The following MAN1A1 variants were observed in gnomAD, a reference collection of about 807,000 sequenced individuals.
MAN1A1 encodes the protein mannosidase alpha class 1A member 1.
A neutral mutation model predicts 70.8 loss-of-function variants in MAN1A1; 29 were observed. The observed-to-expected ratio is 0.41, with a 90% confidence interval of 0.31 to 0.56. MAN1A1 has a LOEUF of 0.56. Ranked by LOEUF, MAN1A1 falls within the 20% of genes least tolerant of loss-of-function variation. MAN1A1 has a pLI of 0.29. For missense variants in MAN1A1, 747 were observed against 841.3 expected (o/e 0.89, Z 1.39); for synonymous variants, 349 against 330.1 (o/e 1.06, Z -0.62).
chr6:119,292,425 G>C (rs2114421670), intron 4 of MAN1A1, among the ~76,000 whole-genome samples: 1 of 152,012 alleles, frequency 6.6e-6, no homozygotes, highest in Middle Eastern at 3.4e-3. Flanking sequence ...CATTTATTAA[G>C]CAACTACTAT....
rs945419179 is a variant in MAN1A1, at chr6:119,263,418, G to A, written c.898-15064C>T. Among the ~76,000 whole-genome samples, 303 of 152,126 alleles carry A rather than the reference G, an allele frequency of 2.0e-3. 3 individuals carry two copies. The highest frequency in any genetic ancestry group is 7.0e-3 in the African/African-American group (292 of 41,520). On this transcript the variant is annotated intron_variant, in intron 5 of 12. Transcript: ENST00000368468. ...ACACAGGAATAGAAAACCAAACACC[G>A]CATGTTCTCACTTGTAAGTGGGAGC... is the stretch of plus-strand genomic sequence containing the variant.
At chr6:119,221,614 A>T (rs1774363393) in intron 6 of MAN1A1, among the ~76,000 whole-genome samples, 1 of 151,850 alleles carries the variant, frequency 6.6e-6, no homozygotes, top group Admixed American at 6.6e-5. Context: ...AAAAAAATAC[A>T]GGTAATTTTT....
At chr6:119,284,258 G>A (rs192217859) in intron 5 of MAN1A1, among the ~76,000 whole-genome samples, 21 of 152,186 alleles carry the variant, frequency 1.4e-4, no homozygotes, top group African/African-American at 4.8e-4. Flanking sequence ...CATCTCTCAC[G>A]GTTTTTTCCC....
At chr6:119,308,857 G>GA (rs1772603872) in intron 2 of MAN1A1, among the ~76,000 whole-genome samples, 1 of 151,554 alleles carries the variant, frequency 6.6e-6, no homozygotes, top group Non-Finnish European at 1.5e-5. Context: ...CATCAAAACA[G>GA]AAAAAAAAGT....
chr6:119,246,008 C>T (rs527857246), intron 6 of MAN1A1, among the ~76,000 whole-genome samples: 59 of 152,224 alleles, frequency 3.9e-4, no homozygotes, highest in African/African-American at 1.4e-3. Flanking sequence ...AAAATATCTC[C>T]ATGGTACACT....
chr6:119,333,949 T>C (rs1773386619), intron 2 of MAN1A1, among the ~76,000 whole-genome samples: 1 of 152,188 alleles, frequency 6.6e-6, no homozygotes, highest in East Asian at 1.9e-4. Flanking sequence ...CTCAGGTATA[T>C]TCTAATAGGA....
At chr6:119,349,419 C>G in intron 1 of MAN1A1, 123 bp downstream of exon 1, 3 of 915,438 alleles carry the variant, frequency 3.3e-6, no homozygotes, top group Non-Finnish European at 4.0e-6. Flanking sequence ...GTCCGGGCAC[C>G]GCCCTCGCAG....
chr6:119,265,296 G>T (rs1285344407), intron 5 of MAN1A1, among the ~76,000 whole-genome samples: 2 of 151,788 alleles, frequency 1.3e-5, no homozygotes, highest in Non-Finnish European at 2.9e-5. Flanking sequence ...ACATGGTCTT[G>T]TTTTGTTACC....
At chr6:119,283,342 T>A (rs1776270918) in intron 5 of MAN1A1, among the ~76,000 whole-genome samples, 1 of 152,268 alleles carries the variant, frequency 6.6e-6, no homozygotes, top group Non-Finnish European at 1.5e-5. Flanking sequence ...TGAAGAGTTT[T>A]AGTCAATGAC....
chr6:119,221,649 C>CA (rs925276100), intron 6 of MAN1A1, among the ~76,000 whole-genome samples: 6 of 151,976 alleles, frequency 3.9e-5, no homozygotes, highest in Non-Finnish European at 8.8e-5. Flanking sequence ...GACAGGGTTT[C>CA]ACCATGTTGG....
At chr6:119,327,185 C>T (rs954005593) in intron 2 of MAN1A1, 3 of 152,086 alleles carry the variant, frequency 2.0e-5, no homozygotes, top group African/African-American at 7.2e-5. Context: ...GAACATTCTT[C>T]AGCTGGGGGC....
At chr6:119,275,330 G>A (rs1162281319) in intron 5 of MAN1A1, among the ~76,000 whole-genome samples, 3 of 67,056 alleles carry the variant, frequency 4.5e-5, no homozygotes, top group African/African-American at 5.9e-5. Flanking sequence ...TTTTTGAGAC[G>A]GAGTCTCGCT....
intron 5 of MAN1A1, among the ~76,000 whole-genome samples, chr6:119,253,051 G>A (rs1242684060): frequency 2.0e-5 from 3 of 151,956 alleles, no homozygotes; most frequent in East Asian, 3.9e-4. Flanking sequence ...AAAAAAAATC[G>A]TCGTTTTGAA....
chr6:119,307,354 C>G (rs2114451031), intron 2 of MAN1A1, among the ~76,000 whole-genome samples: 1 of 152,276 alleles, frequency 6.6e-6, no homozygotes, highest in African/African-American at 2.4e-5. Flanking sequence ...ATTAAATCTG[C>G]AAAGACTATC....
chr6:119,301,961 T>C, intron 4 of MAN1A1, 27 bp downstream of exon 4: 1 of 1,220,920 alleles, frequency 8.2e-7, no homozygotes, highest in Non-Finnish European at 1.2e-6. Flanking sequence ...ATTTAAGGAC[T>C]GAATTAGAAA....
At chr6:119,279,502 C>CCAGCCTAGA (rs1231655859) in intron 5 of MAN1A1, among the ~76,000 whole-genome samples, 1 of 152,234 alleles carries the variant, frequency 6.6e-6, no homozygotes, top group South Asian at 2.1e-4. Context: ...TTCATGGCTA[C>CCAGCCTAGA]CAGCCTAGAC....
At position 119,266,801 on chromosome 6, in the gene MAN1A1, C is replaced by T. The variant is rs530540073; in HGVS notation, c.898-18447G>A. 7.9e-5 allele frequency among the ~76,000 whole-genome samples: 12 copies of T among 152,212 alleles called. No individual in the cohort carries two copies. The South Asian group carries it at 2.5e-3, about 32-fold the overall frequency. On this transcript the variant is annotated intron_variant, in intron 5 of 12. Transcript: ENST00000368468. Reference sequence around the variant, plus strand: ...AGACACTGTCAAGAGAATGAGAAGACAAGCCAAGGCCTAAGAGAAAATTTG... The same window carrying T: ...AGACACTGTCAAGAGAATGAGAAGATAAGCCAAGGCCTAAGAGAAAATTTG...
chr6:119,217,546 G>A (rs950361903), intron 6 of MAN1A1, among the ~76,000 whole-genome samples: 1 of 152,184 alleles, frequency 6.6e-6, no homozygotes, highest in Non-Finnish European at 1.5e-5. Context: ...TCCCAAAGGC[G>A]TGAGCCACTG....
intron 6 of MAN1A1, among the ~76,000 whole-genome samples, chr6:119,214,370 G>C (rs1234303429): frequency 1.3e-5 from 2 of 152,036 alleles, no homozygotes; most frequent in Non-Finnish European, 2.9e-5. Flanking sequence ...ATGTTTCAAA[G>C]AACAAAGTAA....
Sources: gnomAD v4.1 joint callset for allele counts (sites outside exome capture counted in the v4.1 genomes callset) on GRCh38, gnomAD v4.1.1 for gene constraint, MANE v1.5 for transcripts, NCBI Gene and HGNC (gene_info 2026-07-23, HGNC 2026-07-21) for gene names.